Variants in CEP120 observed in about 807,000 individuals in gnomAD.
The protein encoded by CEP120 is centrosomal protein 120.
Under a neutral mutation model 126.5 loss-of-function variants are expected in CEP120, and 113 were observed. That is an observed-to-expected ratio of 0.89 (90% CI 0.77 to 1.04). The LOEUF (loss-of-function observed/expected upper bound fraction) is 1.04. Among genes scored for constraint, CEP120 ranks in the 50% least tolerant of loss-of-function variants. CEP120 has a pLI of 0.00. For missense variants in CEP120, 1,230 were observed against 1,155.7 expected (o/e 1.06, Z -0.93); for synonymous variants, 400 against 394.3 (o/e 1.01, Z -0.17).
chr5:123,382,260 C>G, intron 13 of CEP120, 60 bp from the exon 14 acceptor site: 1 of 948,322 alleles, frequency 1.1e-6, no homozygotes, highest in Non-Finnish European at 1.6e-6. Flanking sequence ...ATAAATGAAT[C>G]AGTTGTCAGT....
intron 5 of CEP120, among the ~76,000 whole-genome samples, chr5:123,396,420 CTGTG>C (rs915825518): frequency 1.3e-5 from 2 of 151,728 alleles, no homozygotes; most frequent in Non-Finnish European, 2.9e-5. Flanking sequence ...AGACATCAAC[CTGTG>C]TGTTTTTTTT....
Position 123,422,947 on chromosome 5 carries a change from C to T in CEP120, c.49+3G>A. 1 of 1,614,068 alleles carries T rather than the reference C, an allele frequency of 6.2e-7. No homozygotes were observed. Among genetic ancestry groups the T allele is most frequent in the Non-Finnish European group, 8.5e-7 (1 of 1,179,920 alleles). ...TTGCAAAAGCAAGCCTCAGGCTGCT[C>T]ACCTTCTAGGATGGACACGACGATG... is the stretch of plus-strand genomic sequence containing the variant. On this transcript the variant is annotated splice_donor_region_variant and intron_variant, in intron 1 of 19. Coordinates refer to ENST00000306467, the MANE Select transcript of CEP120 (RefSeq NM_001375405.1).
At chr5:123,349,834 A>T in intron 19 of CEP120, 110 bp downstream of exon 19, 1 of 862,146 alleles carries the variant, frequency 1.2e-6, no homozygotes, top group East Asian at 2.7e-5. Context: ...TATGTCTGCT[A>T]CATTTTATAT....
intron 18 of CEP120, among the ~76,000 whole-genome samples, chr5:123,352,626 C>T (rs949169861): frequency 6.6e-6 from 1 of 151,892 alleles, no homozygotes; most frequent in Non-Finnish European, 1.5e-5. Flanking sequence ...TACGACAGTT[C>T]TTCTACATTT....
intron 5 of CEP120, among the ~76,000 whole-genome samples, chr5:123,395,335 T>C (rs1161285031): frequency 1.3e-5 from 2 of 152,206 alleles, no homozygotes; most frequent in African/African-American, 2.4e-5. Context: ...TAAAACTTTA[T>C]AGTAACATGT....
intron 9 of CEP120, 95 bp from the exon 10 acceptor site, chr5:123,386,762 T>G: frequency 1.1e-6 from 1 of 922,784 alleles, no homozygotes; most frequent in Non-Finnish European, 1.5e-6. Flanking sequence ...ATAATATGAA[T>G]ATTATGAGCA....
chr5:123,382,034 G>T, intron 14 of CEP120, 77 bp downstream of exon 14: 1 of 996,484 alleles, frequency 1.0e-6, no homozygotes, highest in Non-Finnish European at 1.5e-6. Context: ...TCCTTCCAGA[G>T]ACTGTCTTTA....
In CEP120 at chr5:123,419,526, C is replaced by G. The variant is rs1416356661; in HGVS notation, c.50-1011G>C. Among the ~76,000 whole-genome samples, 27 of 137,196 alleles carry G rather than the reference C, an allele frequency of 2.0e-4. 1 individual carries two copies. Among genetic ancestry groups the G allele is most frequent in the African/African-American group, 7.3e-4 (27 of 36,818 alleles). The allele number at this position is 137,196 out of a possible 152,430, so 90.0% of individuals were successfully genotyped here. A position where few individuals can be genotyped will look rare whatever the true frequency, so the allele number is the denominator to read the frequency against. ...CAGCCTGGGCAACAGAGCAAGACTC[C>G]ATCTCAAAAAAAAACAAAAACAAAA... On this transcript the variant is annotated intron_variant, in intron 1 of 19. Transcript: ENST00000306467.
At chr5:123,359,286 A>G (rs559981003) in intron 18 of CEP120, among the ~76,000 whole-genome samples, 6 of 152,162 alleles carry the variant, frequency 3.9e-5, no homozygotes, top group African/African-American at 1.4e-4. Context: ...CTGGGAACAA[A>G]CATACCTACT....
intron 11 of CEP120, among the ~76,000 whole-genome samples, chr5:123,383,911 C>A (rs1249578187): frequency 6.6e-6 from 1 of 152,074 alleles, no homozygotes; most frequent in African/African-American, 2.4e-5. Flanking sequence ...GGTTCTCACA[C>A]AATTAGAACT....
intron 11 of CEP120, among the ~76,000 whole-genome samples, chr5:123,384,257 A>C (rs1443400838): frequency 6.6e-6 from 1 of 151,330 alleles, no homozygotes; most frequent in Non-Finnish European, 1.5e-5. Context: ...AAGACATTTC[A>C]ATACTTTTAG....
intron 18 of CEP120, among the ~76,000 whole-genome samples, chr5:123,353,288 T>C (rs1769329449): frequency 6.6e-6 from 1 of 151,962 alleles, no homozygotes; most frequent in Non-Finnish European, 1.5e-5. Context: ...CTAGTCTTAG[T>C]TTGTTAATGA....
chr5:123,406,867 AATT>A (rs1366187487), intron 4 of CEP120, among the ~76,000 whole-genome samples: 1 of 151,952 alleles, frequency 6.6e-6, no homozygotes, highest in Non-Finnish European at 1.5e-5. Context: ...AAGGTTCTTC[AATT>A]ATTATGTGTG....
At chr5:123,359,241 C>T (rs1346993607) in intron 18 of CEP120, among the ~76,000 whole-genome samples, 1 of 152,034 alleles carries the variant, frequency 6.6e-6, no homozygotes, top group Non-Finnish European at 1.5e-5. Context: ...AAGGGACCCA[C>T]AATCCTTCCC....
chr5:123,423,360 A>G lies in CEP120; in HGVS notation c.-362T>C. ...CGCCGCGCCCAGCTTCCGCCTAGCA[A>G]CCAGGCCCGCAGGCCCAGTGCCCAG... On this transcript the variant is annotated 5_prime_UTR_variant, in exon 1 of 20. Coordinates refer to ENST00000306467, the MANE Select transcript of CEP120 (RefSeq NM_001375405.1). 3.0e-6 allele frequency: 1 copy of G among 331,326 alleles called. No individual in the cohort carries two copies. 20.5% of individuals were successfully genotyped at this position (331,326 alleles called of 1,614,324 possible).
At chr5:123,422,634 G>GC (rs1390494968) in intron 1 of CEP120, 1 of 1,202,888 alleles carries the variant, frequency 8.3e-7, no homozygotes, top group African/African-American at 1.5e-5. Flanking sequence ...ATCAGAACGC[G>GC]CTTCTCAGGA....
At chr5:123,371,510 T>C (rs116222426) in intron 17 of CEP120, among the ~76,000 whole-genome samples, 2 of 152,064 alleles carry the variant, frequency 1.3e-5, no homozygotes, top group East Asian at 1.9e-4. Context: ...CTGGGAATTA[T>C]GGGAGATACA....
intron 5 of CEP120, among the ~76,000 whole-genome samples, chr5:123,393,819 C>T (rs1772570714): frequency 6.6e-6 from 1 of 152,170 alleles, no homozygotes; most frequent in South Asian, 2.1e-4. Flanking sequence ...ACTGAGCTTT[C>T]CTTATTTTCA....
At chr5:123,347,945 A>T (rs1298054346) in intron 19 of CEP120, among the ~76,000 whole-genome samples, 1 of 152,140 alleles carries the variant, frequency 6.6e-6, no homozygotes, top group African/African-American at 2.4e-5. Context: ...GTCACATGCC[A>T]TTGGAAGCTC....
Sources: gnomAD v4.1 joint callset for allele counts (sites outside exome capture counted in the v4.1 genomes callset) on GRCh38, gnomAD v4.1.1 for gene constraint, MANE v1.5 for transcripts, NCBI Gene and HGNC (gene_info 2026-07-23, HGNC 2026-07-21) for gene names.